ACO1: variants seen among roughly 807,000 people sequenced by gnomAD.
ACO1 encodes cytoplasmic aconitate hydratase.
Under a neutral mutation model 105.1 loss-of-function variants are expected in ACO1, and 78 were observed. The ratio of observed to expected loss-of-function variants is 0.74; its 90% CI spans 0.62 to 0.90. The LOEUF is 0.90. ACO1 is among the 40% of genes least tolerant of loss of function. The probability of loss-of-function intolerance (pLI) is 0.00; values close to 1 mark genes in which losing one functional copy is unlikely to be tolerated. For synonymous variants in ACO1, 364 were observed against 397.4 expected, an observed-to-expected ratio of 0.92 and a Z score of 1.00; for missense variants, 965 against 1,111.1, an observed-to-expected ratio of 0.87 and a Z score of 1.87.
chr9:32,432,304 T>C (rs1822256971), intron 15 of ACO1, among the ~76,000 whole-genome samples: 1 of 152,228 alleles, frequency 6.6e-6, no homozygotes, highest in Admixed American at 6.5e-5. Context: ...AAACTTTCCG[T>C]GCATTTTACA....
intron 8 of ACO1, among the ~76,000 whole-genome samples, chr9:32,421,736 A>G (rs1459721763): frequency 6.6e-6 from 1 of 152,168 alleles, no homozygotes; most frequent in African/African-American, 2.4e-5. Flanking sequence ...CCTAGCCAAC[A>G]GAGAGACTGT....
chr9:32,447,080 T>A (rs562070225), intron 19 of ACO1, among the ~76,000 whole-genome samples: 1 of 152,268 alleles, frequency 6.6e-6, no homozygotes, highest in South Asian at 2.1e-4. Context: ...CTTTGTGGTG[T>A]TCCATGTATT....
chr9:32,387,132 T>C (rs992414910), intron 1 of ACO1, among the ~76,000 whole-genome samples: 1 of 152,170 alleles, frequency 6.6e-6, no homozygotes, highest in Admixed American at 6.5e-5. Flanking sequence ...CTCTTCCTTC[T>C]ACATAGGAAG....
rs1648628566 is a variant in ACO1 at position 32,389,345 on chromosome 9, G to A, written c.-23+4610G>A. Among the ~76,000 whole-genome samples, 3 of 152,134 alleles carry A rather than the reference G, an allele frequency of 2.0e-5. No individual in the cohort carries two copies. The South Asian group carries it at 6.2e-4, about 32-fold the overall frequency. On this transcript the variant is annotated intron_variant, in intron 1 of 20. Transcript: ENST00000309951. ...CATTTTAGCTTATCGGGGTTTTCAAGCATGAATAAATATTACATTTGACAT... is the reference window on the plus strand; with the variant it reads ...CATTTTAGCTTATCGGGGTTTTCAAACATGAATAAATATTACATTTGACAT...
At chr9:32,437,781 AG>A (rs1432236788) in intron 18 of ACO1, among the ~76,000 whole-genome samples, 2 of 152,204 alleles carry the variant, frequency 1.3e-5, no homozygotes, top group Non-Finnish European at 2.9e-5. Flanking sequence ...AATAACAATC[AG>A]AAGACAAGAA....
At chr9:32,423,499 T>C in intron 9 of ACO1, 80 bp downstream of exon 9, 1 of 975,120 alleles carries the variant, frequency 1.0e-6, no homozygotes, top group East Asian at 2.5e-5. Flanking sequence ...CTTGGGGGAA[T>C]GCGCTAGTAG....
chr9:32,436,645 G>A (rs1822368621), intron 18 of ACO1, among the ~76,000 whole-genome samples: 1 of 152,174 alleles, frequency 6.6e-6, no homozygotes, highest in Non-Finnish European at 1.5e-5. Flanking sequence ...ATTGAGCTTT[G>A]AGTGACATTT....
intron 9 of ACO1, among the ~76,000 whole-genome samples, chr9:32,423,883 C>T (rs1822030438): frequency 3.3e-5 from 5 of 152,194 alleles, no homozygotes; most frequent in Admixed American, 3.3e-4. Context: ...CAAACACCAC[C>T]TGTTCCCCAA....
chr9:32,446,349 C>CTTGT (rs1554664097), intron 19 of ACO1, among the ~76,000 whole-genome samples: 2 of 152,086 alleles, frequency 1.3e-5, no homozygotes, highest in African/African-American at 4.8e-5. Context: ...ATGTAATGGC[C>CTTGT]TTGTCTCTTT....
At chr9:32,395,992 C>T (rs955864703) in intron 1 of ACO1, among the ~76,000 whole-genome samples, 17 of 152,216 alleles carry the variant, frequency 1.1e-4, no homozygotes, top group Non-Finnish European at 2.2e-4. Context: ...GCAGGGGCTG[C>T]CTGGTCAGGC....
chr9:32,396,819 A>G (rs1374885593), intron 1 of ACO1, among the ~76,000 whole-genome samples: 2 of 152,198 alleles, frequency 1.3e-5, no homozygotes, highest in Non-Finnish European at 2.9e-5. Context: ...AGTTCCTGGC[A>G]TGTAATAGAC....
intron 6 of ACO1, among the ~76,000 whole-genome samples, chr9:32,418,756 T>G (rs1308628287): frequency 1.3e-5 from 2 of 152,122 alleles, no homozygotes; most frequent in African/African-American, 4.8e-5. Context: ...AAAAATCACC[T>G]GGGGTGTTAA....
intron 4 of ACO1, among the ~76,000 whole-genome samples, chr9:32,417,753 T>C (rs1433494363): frequency 6.6e-6 from 1 of 152,190 alleles, no homozygotes; most frequent in Non-Finnish European, 1.5e-5. Context: ...GATGTTATAA[T>C]GAGGTCATGG....
intron 1 of ACO1, among the ~76,000 whole-genome samples, chr9:32,388,408 A>G (rs561758546): frequency 3.9e-5 from 6 of 152,184 alleles, no homozygotes; most frequent in African/African-American, 1.2e-4. Context: ...GATGGCACAT[A>G]TCTGTAGTCC....
intron 1 of ACO1, among the ~76,000 whole-genome samples, chr9:32,402,352 A>G (rs181017150): frequency 9.8e-5 from 15 of 152,354 alleles, no homozygotes; most frequent in Admixed American, 7.2e-4. Context: ...ATACTCTGCC[A>G]TCTCCAAAAT....
chr9:32,405,618 G>C lies in ACO1; in HGVS notation c.97+15G>C. ...TTCAAGATATGGTAGGTACATGGCT[G>C]TGATAGCAATTGGAATCTCATTTGC... On this transcript the variant is annotated intron_variant, in intron 2 of 20. Coordinates refer to ENST00000309951, the MANE Select transcript of ACO1 (RefSeq NM_002197.3). The C allele has an allele frequency of 6.5e-7, 1 of 1,547,830 alleles. No individual in the cohort carries two copies. The highest frequency in any genetic ancestry group is 8.9e-7 in the Non-Finnish European group (1 of 1,127,466).
intron 10 of ACO1, among the ~76,000 whole-genome samples, chr9:32,425,494 T>G (rs1052457225): frequency 6.6e-6 from 1 of 152,224 alleles, no homozygotes; most frequent in Non-Finnish European, 1.5e-5. Flanking sequence ...AATAATGTCA[T>G]TGAGTTCAAT....
chr9:32,412,383 A>G (rs550365115), intron 4 of ACO1, among the ~76,000 whole-genome samples: 1 of 152,298 alleles, frequency 6.6e-6, no homozygotes, highest in East Asian at 1.9e-4. Context: ...TCATTTTCCT[A>G]ATAAGAAGCT....
At chr9:32,414,672 G>A (rs1017274923) in intron 4 of ACO1, among the ~76,000 whole-genome samples, 2 of 152,190 alleles carry the variant, frequency 1.3e-5, no homozygotes, top group African/African-American at 4.8e-5. Context: ...TCCTGGTGCT[G>A]GAGGGTGGAA....
Sources: allele counts gnomAD v4.1 joint callset (sites outside exome capture counted in the v4.1 genomes callset), GRCh38; gene constraint gnomAD v4.1.1; transcripts MANE v1.5; gene names NCBI Gene and HGNC (gene_info 2026-07-23, HGNC 2026-07-21).